The following FAM227A variants were observed in gnomAD, a reference collection of about 807,000 sequenced individuals.
FAM227A encodes the protein protein FAM227A.
In FAM227A, 80 loss-of-function variants were observed where a neutral mutation model predicts 74.7. That is an observed-to-expected ratio of 1.07 (90% CI 0.89 to 1.29). FAM227A has a LOEUF of 1.29. FAM227A is among the 50% of genes most tolerant of loss of function. The pLI, the probability that FAM227A is intolerant of heterozygous loss-of-function variation, is 0.00. For synonymous variants in FAM227A, 237 were observed against 241.8 expected (o/e 0.98, Z 0.19); for missense variants, 654 against 683.4 (o/e 0.96, Z 0.48).
chr22:38,654,253 CAGG>C (rs2092359724), intron 1 of FAM227A, among the ~76,000 whole-genome samples: 1 of 151,952 alleles, frequency 6.6e-6, no homozygotes. Flanking sequence ...GAGGCTGAGG[CAGG>C]AGAATTGCTT....
At position 38,607,425 on chromosome 22, in the gene FAM227A, A is replaced by C; in HGVS notation, c.1090T>G (p.Ser364Ala). Reference protein sequence around the residue: ...SEKTSSAKQNSEKSLRMQNTA... With the variant: ...SEKTSSAKQNAEKSLRMQNTA... ...TTCTGCATTCGTAAGCTTTTTTCTG[A>C]GTTCTGCTTGGCCGAAGAGGTTTTT... is the stretch of plus-strand genomic sequence containing the variant. The change falls in exon 12 of 17, where the codon TCA becomes GCA. Residue 364 changes from serine to alanine, a missense_variant. Coordinates refer to ENST00000535113, the MANE Select transcript of FAM227A (RefSeq NM_001013647.2). 1.3e-6 allele frequency: 2 copies of C among 1,551,418 alleles called. No homozygotes were observed. The highest frequency in any genetic ancestry group is 1.7e-6 in the Non-Finnish European group (2 of 1,146,908).
intron 14 of FAM227A, among the ~76,000 whole-genome samples, chr22:38,597,997 C>T (rs896727611): frequency 4.8e-5 from 7 of 145,634 alleles, no homozygotes; most frequent in Non-Finnish European, 7.4e-5. Flanking sequence ...GAGCCGAAAT[C>T]GCGCCACTGC....
At chr22:38,588,649 G>A (rs1255211273) in intron 16 of FAM227A, among the ~76,000 whole-genome samples, 2 of 146,164 alleles carry the variant, frequency 1.4e-5, no homozygotes, top group Admixed American at 1.4e-4. Context: ...AATGCTGGGC[G>A]CAGTGGCTCA....
In FAM227A at chr22:38,628,826, G is replaced by A. The variant is rs2091860125; in HGVS notation, c.621+8C>T. ...GCAAGGCAGAGAAACAAGCAGATTT[G>A]TATTTACCTGGTACCTCTCATGAAA... On this transcript the variant is annotated splice_region_variant and intron_variant, in intron 7 of 16. Coordinates refer to ENST00000535113, the MANE Select transcript of FAM227A (RefSeq NM_001013647.2). 1 of 1,446,346 alleles carries A rather than the reference G, an allele frequency of 6.9e-7. No homozygotes were observed. Among genetic ancestry groups the A allele is most frequent in the Non-Finnish European group, 9.5e-7 (1 of 1,056,892 alleles). 89.6% of individuals were successfully genotyped at this position (1,446,346 alleles called of 1,614,324 possible).
intron 6 of FAM227A, among the ~76,000 whole-genome samples, chr22:38,634,119 G>T (rs2091959882): frequency 6.6e-6 from 1 of 151,520 alleles, no homozygotes. Context: ...TACTCAGGGA[G>T]GCTGAGACAG....
At chr22:38,651,145 A>C (rs1458664712) in intron 1 of FAM227A, among the ~76,000 whole-genome samples, 1 of 152,008 alleles carries the variant, frequency 6.6e-6, no homozygotes, top group East Asian at 1.9e-4. Context: ...ATGCCTTTCC[A>C]GATGTGGTTC....
In FAM227A at chr22:38,578,855, C is replaced by T. The variant is rs777133325; in HGVS notation, c.*7270G>A. 1 of 152,116 alleles carries T rather than the reference C, an allele frequency of 6.6e-6. No individual in the cohort carries two copies. Among genetic ancestry groups the T allele is most frequent in the East Asian group, 1.9e-4 (1 of 5,192 alleles). 9.4% of individuals were successfully genotyped at this position (152,116 alleles called of 1,614,324 possible). A position where few individuals can be genotyped will look rare whatever the true frequency, so the allele number is the denominator to read the frequency against. ...ATTAAAGGAGAGAGGCCAAAAGGAACGAGTATTTGTTGAACACCCAATAAT... is the reference window on the plus strand; with the variant it reads ...ATTAAAGGAGAGAGGCCAAAAGGAATGAGTATTTGTTGAACACCCAATAAT... On this transcript the variant is annotated 3_prime_UTR_variant, in exon 17 of 17. Transcript: ENST00000535113.
chr22:38,624,545 C>A (rs772976070), intron 9 of FAM227A, among the ~76,000 whole-genome samples: 1 of 152,158 alleles, frequency 6.6e-6, no homozygotes, highest in African/African-American at 2.4e-5. Flanking sequence ...ACTCTCTTAA[C>A]GGAAGAAGAA....
chr22:38,610,916 G>C (rs956613703), intron 11 of FAM227A, among the ~76,000 whole-genome samples: 19 of 151,866 alleles, frequency 1.3e-4, no homozygotes, highest in South Asian at 4.2e-4. Context: ...AAAAATTAGC[G>C]GGGAGTGGTG....
chr22:38,648,444 C>G (rs898479976), intron 2 of FAM227A, among the ~76,000 whole-genome samples: 1 of 150,832 alleles, frequency 6.6e-6, no homozygotes, highest in Non-Finnish European at 1.5e-5. Context: ...CCTGTCTCTT[C>G]TAAAAATACA....
chr22:38,605,575 C>A (rs1276520505), intron 12 of FAM227A, among the ~76,000 whole-genome samples: 1 of 152,234 alleles, frequency 6.6e-6, no homozygotes, highest in Non-Finnish European at 1.5e-5. Flanking sequence ...CAGGCATGAG[C>A]CACTGTGCCC....
At chr22:38,644,167 AAG>A (rs2092178546) in intron 3 of FAM227A, among the ~76,000 whole-genome samples, 2 of 151,406 alleles carry the variant, frequency 1.3e-5, no homozygotes, top group Admixed American at 1.3e-4. Context: ...AAAAAAAAAA[AAG>A]ATGTGGAGGA....
At chr22:38,586,848 A>AT (rs896111387) in intron 16 of FAM227A, among the ~76,000 whole-genome samples, 173 of 143,614 alleles carry the variant, frequency 1.2e-3, no homozygotes, top group Middle Eastern at 3.6e-3. Flanking sequence ...TGTTTTTTGT[A>AT]TTTTTTTTTT....
At chr22:38,596,226 C>T (rs1262753170) in intron 15 of FAM227A, among the ~76,000 whole-genome samples, 18 of 152,212 alleles carry the variant, frequency 1.2e-4, no homozygotes, top group Admixed American at 7.9e-4. Context: ...GAGGCTGAGG[C>T]GGGAGGATTG....
At chr22:38,589,937 A>T (rs1602840137) in intron 16 of FAM227A, among the ~76,000 whole-genome samples, 3 of 152,070 alleles carry the variant, frequency 2.0e-5, no homozygotes, top group Admixed American at 6.6e-5. Flanking sequence ...CTCATCTCTT[A>T]AATAATTATT....
At position 38,591,444 on chromosome 22, in the gene FAM227A, C is replaced by T; in HGVS notation, c.1629G>A (p.Lys543=). ...CTCTTTGGAGACTTCCCTTAGTTTT[C>T]TTGTCAGGTGATTCCTCATTGACGG... ...PSAVNEESPD[K]KTKEGKGGEG... Residue 543 remains lysine, a synonymous_variant, in exon 16 of 17, where the codon AAG becomes AAA. Transcript: ENST00000535113. 2 of 1,551,160 alleles carry T rather than the reference C, an allele frequency of 1.3e-6. No individual in the cohort carries two copies. The highest frequency in any genetic ancestry group is 1.7e-6 in the Non-Finnish European group (2 of 1,146,694).
chr22:38,638,170 G>A (rs146022510), intron 5 of FAM227A, among the ~76,000 whole-genome samples: 1 of 151,858 alleles, frequency 6.6e-6, no homozygotes, highest in Non-Finnish European at 1.5e-5. Context: ...ATCTCAAAAA[G>A]AAAAAAAGAA....
chr22:38,591,265 A>C, intron 16 of FAM227A, 170 bp downstream of exon 16: 4 of 1,276,478 alleles, frequency 3.1e-6, no homozygotes, highest in Non-Finnish European at 4.0e-6. Flanking sequence ...TGGAGGCTGC[A>C]GTGAGCTATG....
In FAM227A at chr22:38,582,366, C is replaced by A. The variant is rs1380241677; in HGVS notation, c.*3759G>T. ...CTTCTAGTTTAACATCTGAATTTAT[C>A]TTCTTCCATGCTGAGAGTATGGGTT... On this transcript the variant is annotated 3_prime_UTR_variant, in exon 17 of 17. Transcript: ENST00000535113. The A allele has an allele frequency of 1.3e-6, 2 of 1,550,430 alleles. No individual in the cohort carries two copies. The highest frequency in any genetic ancestry group is 1.2e-5 in the South Asian group (1 of 84,042).
Sources: gnomAD v4.1 joint callset for allele counts (sites outside exome capture counted in the v4.1 genomes callset) on GRCh38, gnomAD v4.1.1 for gene constraint, MANE v1.5 for transcripts, NCBI Gene and HGNC (gene_info 2026-07-23, HGNC 2026-07-21) for gene names.